NHSL3: variants seen among roughly 807,000 people sequenced by gnomAD.
NHSL3 encodes the protein NHS-like protein 3.
chr1:32,767,921 C>G, the NHSL3 span: 1 of 1,614,068 alleles, frequency 6.2e-7, no homozygotes, highest in Non-Finnish European at 8.5e-7. Context: ...GCTGCACACT[C>G]AGGCCCAGGA....
At chr1:32,770,631 G>A in the NHSL3 span, 17 of 1,517,402 alleles carry the variant, frequency 1.1e-5, no homozygotes, top group South Asian at 2.0e-4. The surrounding 1 kb of genome is among the most constrained non-coding windows in gnomAD (Gnocchi z 8.3). Flanking sequence ...GTGGGCAGTT[G>A]TCTGGCCGGA....
the NHSL3 span, among the ~76,000 whole-genome samples, chr1:32,756,866 G>A: frequency 1.3e-5 from 2 of 152,060 alleles, no homozygotes; most frequent in East Asian, 3.9e-4. Context: ...CTACTTTTGA[G>A]GCTGAGGCAG....
the NHSL3 span, among the ~76,000 whole-genome samples, chr1:32,767,348 T>G: frequency 0.024 from 3,698 of 152,194 alleles, 145 homozygotes; most frequent in African/African-American, 0.082. Flanking sequence ...TTACTGTTTG[T>G]GTATATACAG....
chr1:32,756,429 G>T, the NHSL3 span, among the ~76,000 whole-genome samples: 10 of 146,334 alleles, frequency 6.8e-5, no homozygotes, highest in Non-Finnish European at 1.0e-4. Context: ...AGGATAACTT[G>T]AGCCCAGGAG....
the NHSL3 span, chr1:32,754,164 G>C: frequency 1.4e-6 from 1 of 711,564 alleles, no homozygotes; most frequent in Non-Finnish European, 2.6e-6. Flanking sequence ...TCGGGCGGTC[G>C]GCGAAGCGGC....
chr1:32,752,948 CACATATATATATAT>C, the NHSL3 span, among the ~76,000 whole-genome samples: 13,622 of 32,042 alleles, frequency 0.43, 1,472 homozygotes, highest in East Asian at 0.54. Flanking sequence ...CACACACACA[CACATATATATATAT>C]ATATATTTTG....
the NHSL3 span, chr1:32,773,145 A>T: frequency 3.7e-6 from 2 of 545,250 alleles, no homozygotes; most frequent in Non-Finnish European, 6.6e-6. Flanking sequence ...CCTCATCTTG[A>T]AGTGGGTAGC....
At chr1:32,746,231 A>AC in the NHSL3 span, among the ~76,000 whole-genome samples, 1 of 49,500 alleles carries the variant, frequency 2.0e-5, no homozygotes, top group Non-Finnish European at 3.9e-5. Context: ...ACTCCAGCTC[A>AC]AAAAAAAAAA....
the NHSL3 span, chr1:32,767,736 G>A: frequency 1.3e-6 from 2 of 1,511,434 alleles, no homozygotes; most frequent in Non-Finnish European, 9.0e-7. Flanking sequence ...CTGTGCCCCT[G>A]CAGGGCCCAG....
chr1:32,744,171 C>A, the NHSL3 span, among the ~76,000 whole-genome samples: 1 of 152,076 alleles, frequency 6.6e-6, no homozygotes, highest in Non-Finnish European at 1.5e-5. Context: ...GGTCAGGGAT[C>A]TTTGCTGGGG....
the NHSL3 span, among the ~76,000 whole-genome samples, chr1:32,750,705 A>G: frequency 6.6e-6 from 1 of 151,780 alleles, no homozygotes; most frequent in Non-Finnish European, 1.5e-5. Context: ...ACGGGGTTTC[A>G]CCATGTTGGC....
the NHSL3 span, chr1:32,768,038 A>G: frequency 6.2e-7 from 1 of 1,613,728 alleles, no homozygotes. Context: ...GCCTAACCCA[A>G]CAGACCCTTC....
At chr1:32,760,879 G>A in the NHSL3 span, among the ~76,000 whole-genome samples, 1 of 152,146 alleles carries the variant, frequency 6.6e-6, no homozygotes, top group East Asian at 1.9e-4. Flanking sequence ...GTGAGCCACC[G>A]CACCCGGCCA....
chr1:32,746,803 G>A, the NHSL3 span, among the ~76,000 whole-genome samples: 1 of 152,142 alleles, frequency 6.6e-6, no homozygotes, highest in African/African-American at 2.4e-5. Flanking sequence ...ATATGATGAT[G>A]GCTGTGTTTC....
chr1:32,750,801 C>T, the NHSL3 span, among the ~76,000 whole-genome samples: 35 of 143,364 alleles, frequency 2.4e-4, no homozygotes, highest in East Asian at 5.0e-3. Flanking sequence ...CCACAGCGCC[C>T]GGCCCCTTTT....
At chr1:32,755,546 G>C in the NHSL3 span, among the ~76,000 whole-genome samples, 1 of 152,106 alleles carries the variant, frequency 6.6e-6, no homozygotes, top group Non-Finnish European at 1.5e-5. Context: ...GACCACTCTG[G>C]CTCCTACAGG....
At chr1:32,742,086 G>C in the NHSL3 span, 1 of 1,256,928 alleles carries the variant, frequency 8.0e-7, no homozygotes, top group Non-Finnish European at 1.0e-6. Flanking sequence ...TGCGGGGCAA[G>C]CGGCGCAAGA....
At chr1:32,772,302 C>T in the NHSL3 span, 1 of 723,924 alleles carries the variant, frequency 1.4e-6, no homozygotes, top group Non-Finnish European at 2.3e-6. Context: ...CCCCCAGTTA[C>T]CCTCGAGCTG....
At chr1:32,752,940 CACACACACACATATATATATATAT>C in the NHSL3 span, among the ~76,000 whole-genome samples, 5 of 14,414 alleles carry the variant, frequency 3.5e-4, no homozygotes, top group Middle Eastern at 0.02. Flanking sequence ...CACACACACA[CACACACACACATATATATATATAT>C]ATATTTTGGT....
Sources: gnomAD v4.1 joint callset for allele counts (sites outside exome capture counted in the v4.1 genomes callset) on GRCh38, gnomAD v4.1.1 for gene constraint, Gnocchi (gnomAD v3.1) non-coding constraint, MANE v1.5 for transcripts, NCBI Gene and HGNC (gene_info 2026-07-23, HGNC 2026-07-21) for gene names.